CALD1: variants seen among roughly 807,000 people sequenced by gnomAD.
CALD1 encodes caldesmon 1, also known as caldesmon.
In CALD1, 33 loss-of-function variants were observed where a neutral mutation model predicts 99.9. The observed-to-expected ratio is 0.33, with a 90% CI of 0.25 to 0.44. CALD1 has a LOEUF of 0.44. CALD1 is among the 20% of genes least tolerant of loss of function. The pLI is 1.00. For synonymous variants in CALD1, 310 were observed against 325.0 expected (o/e 0.95, Z 0.50); for missense variants, 861 against 962.1 (o/e 0.89, Z 1.39).
At chr7:134,750,879 T>C (rs182199212) in intron 1 of CALD1, among the ~76,000 whole-genome samples, 2 of 152,310 alleles carry the variant, frequency 1.3e-5, no homozygotes, top group Non-Finnish European at 1.5e-5. Context: ...AGTGTTTCTG[T>C]TTTTGGGTTA....
chr7:134,833,324 T>C (rs1006138638), intron 1 of CALD1, among the ~76,000 whole-genome samples: 3 of 152,204 alleles, frequency 2.0e-5, no homozygotes, highest in African/African-American at 7.2e-5. Context: ...ATCTTATTAA[T>C]GTGGAAATGG....
chr7:134,801,386 G>T (rs1797935370), intron 1 of CALD1, among the ~76,000 whole-genome samples: 1 of 151,478 alleles, frequency 6.6e-6, no homozygotes, highest in African/African-American at 2.4e-5. Context: ...TGATTTCTTT[G>T]CTCACCCTTG....
At chr7:134,711,676 ATATATG>A in the CALD1 span, among the ~76,000 whole-genome samples, 99 of 70,464 alleles carry the variant, frequency 1.4e-3, no homozygotes, top group Non-Finnish European at 2.9e-3. Context: ...ATATATATAT[ATATATG>A]TGTGTGTGTG....
At chr7:134,831,344 G>A (rs1025238311) in intron 1 of CALD1, among the ~76,000 whole-genome samples, 2 of 151,794 alleles carry the variant, frequency 1.3e-5, no homozygotes, top group Non-Finnish European at 2.9e-5. Context: ...TTTTGAGACG[G>A]AGTCTTCCTC....
chr7:134,930,445 GT>G lies in CALD1; in HGVS notation c.218+1549del, dbSNP rs552926975. 1.7e-4 allele frequency among the ~76,000 whole-genome samples: 26 copies of G among 152,224 alleles called. No individual in the cohort carries two copies. In the East Asian group the frequency reaches 4.6e-3, roughly 27 times the overall value. On this transcript the variant is annotated intron_variant, in intron 4 of 14. Transcript: ENST00000361675. ...TCACATGTGGTTTTGGTTTTAGTTT[GT>G]TTTGTTTAATTCAGTCTATTTAGAA...
intron 3 of CALD1, among the ~76,000 whole-genome samples, chr7:134,900,458 ATCT>A (rs1802908305): frequency 6.6e-6 from 1 of 152,130 alleles, no homozygotes; most frequent in Non-Finnish European, 1.5e-5. Flanking sequence ...CTGGTTGTTC[ATCT>A]TCACTAACTG....
intron 3 of CALD1, among the ~76,000 whole-genome samples, chr7:134,925,094 C>A (rs1202701455): frequency 6.6e-6 from 1 of 152,170 alleles, no homozygotes; most frequent in Non-Finnish European, 1.5e-5. Context: ...GACTAATACA[C>A]TCTAGTAGCT....
rs1438592459 is a variant in CALD1, at chr7:134,870,457, G to A, written c.71+2653G>A. ...TCAGGACTTTGCTTAAGAATTGACC[G>A]CACGGCTACGTGGTTCGTTCCTTTG... On this transcript the variant is annotated intron_variant, in intron 3 of 14. Coordinates refer to ENST00000361675, the MANE Select transcript of CALD1 (RefSeq NM_033138.4). 3.3e-5 allele frequency among the ~76,000 whole-genome samples: 5 copies of A among 152,138 alleles called. No homozygotes were observed. In the East Asian group the frequency reaches 5.8e-4, roughly 18 times the overall value.
intron 4 of CALD1, among the ~76,000 whole-genome samples, chr7:134,929,337 C>T (rs574521744): frequency 1.3e-5 from 2 of 151,828 alleles, no homozygotes; most frequent in African/African-American, 4.8e-5. Flanking sequence ...TTTTGGTGCA[C>T]TCGTCACCCG....
At chr7:134,784,190 C>T (rs1277181147) in intron 1 of CALD1, among the ~76,000 whole-genome samples, 1 of 152,206 alleles carries the variant, frequency 6.6e-6, no homozygotes, top group Non-Finnish European at 1.5e-5. Context: ...CCTGAGGCTT[C>T]TGGCATTGTT....
Position 134,968,859 on chromosome 7 carries a change from T to TAA in CALD1, c.*525_*526dup, listed in dbSNP as rs199709365. 9.7e-5 allele frequency: 16 copies of TAA among 165,244 alleles called. No homozygotes were observed. The highest frequency in any genetic ancestry group is 4.1e-4 in the South Asian group (3 of 7,324). 10.2% of individuals were successfully genotyped at this position (165,244 alleles called of 1,614,324 possible). A position where few individuals can be genotyped will look rare whatever the true frequency, so the allele number is the denominator to read the frequency against. On this transcript the variant is annotated 3_prime_UTR_variant, in exon 15 of 15. Coordinates refer to ENST00000361675, the MANE Select transcript of CALD1 (RefSeq NM_033138.4). ...GAAATACTGCAATAATGGTTGTCTTTAAAAAAAAAAAAGAAATGTACTGTT... is the reference window on the plus strand; with the variant it reads ...GAAATACTGCAATAATGGTTGTCTTTAAAAAAAAAAAAAAGAAATGTACTGTT...
chr7:134,802,174 ATG>A (rs58896037), intron 1 of CALD1, among the ~76,000 whole-genome samples: 1 of 151,332 alleles, frequency 6.6e-6, no homozygotes, highest in African/African-American at 2.4e-5. Context: ...GTCAACATAT[ATG>A]TGTGTGTGTG....
At chr7:134,955,759 C>A (rs79452164) in intron 9 of CALD1, among the ~76,000 whole-genome samples, 4,365 of 152,244 alleles carry the variant, frequency 0.029, 193 homozygotes, top group African/African-American at 0.1. Flanking sequence ...TCAACACATG[C>A]ATTTTAGGGG....
At chr7:134,766,308 G>A (rs1796826623) in intron 1 of CALD1, among the ~76,000 whole-genome samples, 1 of 151,434 alleles carries the variant, frequency 6.6e-6, no homozygotes. Context: ...ACCACACCCG[G>A]CTAATTCTTG....
chr7:134,753,045 A>C (rs369837490), intron 1 of CALD1, among the ~76,000 whole-genome samples: 1,661 of 135,104 alleles, frequency 0.012, 50 homozygotes, highest in African/African-American at 0.043. Context: ...AAAAAAAAAA[A>C]CACTTTTCAC....
chr7:134,930,970 G>A (rs1361321400), intron 4 of CALD1, among the ~76,000 whole-genome samples: 1 of 152,120 alleles, frequency 6.6e-6, no homozygotes, highest in African/African-American at 2.4e-5. Flanking sequence ...GTGGTCAACA[G>A]GAGCTTTAAA....
At chr7:134,814,552 T>C (rs1361776774) in intron 1 of CALD1, among the ~76,000 whole-genome samples, 1 of 152,170 alleles carries the variant, frequency 6.6e-6, no homozygotes, top group African/African-American at 2.4e-5. Context: ...CCTTTCCCTT[T>C]CTACTGAGGT....
At chr7:134,915,331 A>G (rs1195899679) in intron 3 of CALD1, among the ~76,000 whole-genome samples, 4 of 152,242 alleles carry the variant, frequency 2.6e-5, no homozygotes, top group Non-Finnish European at 4.4e-5. Flanking sequence ...TTAGCAACCC[A>G]TAAGTCAGTG....
At chr7:134,913,255 A>T (rs1803951927) in intron 3 of CALD1, among the ~76,000 whole-genome samples, 1 of 152,124 alleles carries the variant, frequency 6.6e-6, no homozygotes, top group African/African-American at 2.4e-5. Flanking sequence ...AACAAGAGTG[A>T]ATCTCCATCT....
Sources: allele counts gnomAD v4.1 joint callset (sites outside exome capture counted in the v4.1 genomes callset), GRCh38; gene constraint gnomAD v4.1.1; transcripts MANE v1.5; gene names NCBI Gene and HGNC (gene_info 2026-07-23, HGNC 2026-07-21).